The following GGT1 variants were observed in gnomAD, a reference collection of about 807,000 sequenced individuals.
GGT1 encodes the protein gamma-glutamyltransferase 1, also known as glutathione hydrolase 1 proenzyme.
A neutral mutation model predicts 56.0 loss-of-function variants in GGT1; 21 were observed. The observed-to-expected ratio is 0.38, with a 90% CI of 0.27 to 0.54. The LOEUF (loss-of-function observed/expected upper bound fraction) is 0.54, where lower values mean the gene tolerates loss of function less well. Among genes scored for constraint, GGT1 ranks in the 20% least tolerant of loss-of-function variants. GGT1 has a pLI of 0.82. For synonymous variants in GGT1, 238 were observed against 342.6 expected, an observed-to-expected ratio of 0.69 and a Z score of 3.37; for missense variants, 466 against 787.0, an observed-to-expected ratio of 0.59 and a Z score of 4.88.
chr22:24,597,377 C>G (rs2045712524), intron 1 of GGT1, among the ~76,000 whole-genome samples: 1 of 152,152 alleles, frequency 6.6e-6, no homozygotes, highest in African/African-American at 2.4e-5. Flanking sequence ...AAAACCAACT[C>G]AAACTGTGTT....
chr22:24,586,097 A>G, the GGT1 span: 1 of 1,612,594 alleles, frequency 6.2e-7, no homozygotes, highest in African/African-American at 1.3e-5. Context: ...GTTGTTGCCC[A>G]GGTCCACCCA....
chr22:24,614,814 C>T lies in GGT1; in HGVS notation c.203C>T (p.Ala68Val), dbSNP rs2046957811. Residue 68 changes from alanine (A) to valine (V), a missense_variant, in exon 6 of 16, where the codon GCC becomes GTC. By Grantham distance (64) the Ala-to-Val change is moderately conservative (BLOSUM62 0). This residue lies in a region of GGT1 where 456 missense variants were observed against 716.7 expected (regional missense o/e 0.64). Coordinates refer to ENST00000400382, the MANE Select transcript of GGT1 (RefSeq NM_001288833.2). ...LRDGGSAVDA[A>V]IAALLCVGLM... ...GACGGTGGCTCTGCGGTGGATGCAGCCATTGCAGCCCTGTTGTGTGTGGGG... is the reference window on the plus strand; with the variant it reads ...GACGGTGGCTCTGCGGTGGATGCAGTCATTGCAGCCCTGTTGTGTGTGGGG... 1 of 1,613,290 alleles carries T rather than the reference C, an allele frequency of 6.2e-7. No individual in the cohort carries two copies. The highest frequency in any genetic ancestry group is 2.2e-5 in the East Asian group (1 of 44,862).
Position 24,619,732 on chromosome 22 carries a change from T to C in GGT1, c.383-596T>C, listed in dbSNP as rs2047293901. ...GCTGTGTCTTGAAGGTGGCCTGTGC[T>C]TGACCTCGGTCAAGGTGGGATCTGC... On this transcript the variant is annotated intron_variant, in intron 7 of 15. Transcript: ENST00000400382. Among the ~76,000 whole-genome samples, 6 of 152,018 alleles carry C rather than the reference T, an allele frequency of 3.9e-5. No individual in the cohort carries two copies. In the South Asian group the frequency reaches 1.2e-3, roughly 32 times the overall value.
the GGT1 span, chr22:24,588,402 C>T: frequency 2.5e-6 from 3 of 1,188,412 alleles, no homozygotes; most frequent in Admixed American, 5.8e-5. Context: ...GGAGAGGGAC[C>T]CAGGCAGCCA....
At chr22:24,606,454 T>C (rs1455368865) in intron 1 of GGT1, among the ~76,000 whole-genome samples, 2 of 152,054 alleles carry the variant, frequency 1.3e-5, no homozygotes, top group African/African-American at 4.8e-5. Flanking sequence ...GCCCTGTGGC[T>C]CTCCACTTTA....
chr22:24,590,640 C>T (rs964095135), upstream of GGT1, among the ~76,000 whole-genome samples: 6 of 152,128 alleles, frequency 3.9e-5, no homozygotes, highest in Admixed American at 6.5e-5. Flanking sequence ...CCCCAGTGTT[C>T]CCTTCAGATC....
Position 24,607,860 on chromosome 22 carries a change from G to A in GGT1, c.-428-94G>A, listed in dbSNP as rs145982991. 2,424 of 394,106 alleles carry A rather than the reference G, an allele frequency of 6.2e-3. 11 individuals are homozygous for A. Among genetic ancestry groups the A allele is most frequent in the Non-Finnish European group, 0.01 (1,921 of 190,264 alleles). The allele number at this position is 394,106 out of a possible 1,614,324, so 24.4% of individuals were successfully genotyped here. A position where few individuals can be genotyped will look rare whatever the true frequency, so the allele number is the denominator to read the frequency against. On this transcript the variant is annotated intron_variant, in intron 1 of 15. Coordinates refer to ENST00000400382, the MANE Select transcript of GGT1 (RefSeq NM_001288833.2). ...AGGAGTGCTGCAGGGGGCCACAGGC[G>A]TGGCTCTGAGCCACTCTGGAGAGTG...
In GGT1 at chr22:24,614,920, G is replaced by A. The variant is rs2330845; in HGVS notation, c.295+14G>A. 2.5e-6 allele frequency: 4 copies of A among 1,611,666 alleles called. No homozygotes were observed. The highest frequency in any genetic ancestry group is 2.2e-5 in the East Asian group (1 of 44,772). On this transcript the variant is annotated intron_variant, in intron 6 of 15. Transcript: ENST00000400382. ...ACAGCACCACACGTGAGTGCCTCGG[G>A]AGAGGAGAGGGAGAGGGGCAGGGGG...
chr22:24,601,402 T>C (rs58862556), upstream of GGT1, among the ~76,000 whole-genome samples: 15,932 of 152,140 alleles, frequency 0.1, 2,463 homozygotes, highest in African/African-American at 0.34. Flanking sequence ...TGCAATGAGA[T>C]GCCAGTTGCA....
upstream of GGT1, among the ~76,000 whole-genome samples, chr22:24,598,733 T>C (rs951955565): frequency 6.6e-6 from 1 of 152,162 alleles, no homozygotes; most frequent in African/African-American, 2.4e-5. Context: ...TTTTTATTTT[T>C]GTAGAGATGG....
chr22:24,603,694 T>C (rs1485533809), intron 1 of GGT1, among the ~76,000 whole-genome samples, 167 bp downstream of exon 1: 1 of 152,004 alleles, frequency 6.6e-6, no homozygotes, highest in African/African-American at 2.4e-5. Context: ...CCGTGGCTTC[T>C]TGGAATTAAG....
At chr22:24,588,588 G>A in the GGT1 span, 5 of 931,536 alleles carry the variant, frequency 5.4e-6, no homozygotes, top group East Asian at 1.1e-4. Context: ...CCCAGACAAT[G>A]AGCCCTTGTT....
At chr22:24,591,175 G>T (rs1179555955), upstream of GGT1, among the ~76,000 whole-genome samples, 1 of 152,246 alleles carries the variant, frequency 6.6e-6, no homozygotes, top group Non-Finnish European at 1.5e-5. Context: ...CGCCTCCCGG[G>T]TTCAAGCAAT....
At position 24,628,151 on chromosome 22, in the gene GGT1, G is replaced by A. The variant is rs1013819287; in HGVS notation, c.1407G>A (p.Val469=). Reference sequence around the variant, plus strand: ...AGGACGGCCAGGTCCGGATGGTGGTGGGAGCTGCTGGGGGCACACAGATCA... The same window carrying A: ...AGGACGGCCAGGTCCGGATGGTGGTAGGAGCTGCTGGGGGCACACAGATCA... ...VGQDGQVRMV[V]GAAGGTQITT... Residue 469 remains valine (V), a synonymous_variant, in exon 14 of 16, where the codon GTG becomes GTA. Transcript: ENST00000400382. This position sits in a 1 kb window ranked among gnomAD's most constrained non-coding sequence, Gnocchi z 5.7. 9.9e-6 allele frequency: 16 copies of A among 1,611,876 alleles called. No individual in the cohort carries two copies. The Admixed American group carries it at 1.7e-4, about 17-fold the overall frequency.
chr22:24,608,667 T>C (rs1286014969), intron 2 of GGT1, among the ~76,000 whole-genome samples: 1 of 152,128 alleles, frequency 6.6e-6, no homozygotes, highest in Non-Finnish European at 1.5e-5. Context: ...TTTTTTTGCA[T>C]TTTTTTTGAG....
chr22:24,605,319 TATTATATATTATATA>T (rs2046066796), intron 1 of GGT1, among the ~76,000 whole-genome samples: 2 of 53,736 alleles, frequency 3.7e-5, no homozygotes, highest in African/African-American at 1.2e-4. Flanking sequence ...ATATAATATG[TATTATATATTATATA>T]ATATGTATTA....
In GGT1 at chr22:24,627,979, G is replaced by A. The variant is rs757855957; in HGVS notation, c.1336G>A (p.Gly446Arg). ...CTCACCTGCCAATTTCATCCAGCCA[G>A]GTATGGGGTGGAGGTCCGGGGGTGG... ...PPSPANFIQP[G>R]KQPLSSMCPT... Residue 446 changes from glycine to arginine, a missense_variant and splice_region_variant, in exon 13 of 16, where the codon GGG becomes AGG. By Grantham distance (125) the Gly-to-Arg change is moderately radical. This residue lies in a region of GGT1 where 456 missense variants were observed against 716.7 expected (regional missense o/e 0.64). Transcript: ENST00000400382. 3.1e-6 allele frequency: 5 copies of A among 1,612,756 alleles called. No homozygotes were observed. The highest frequency in any genetic ancestry group is 4.2e-6 in the Non-Finnish European group (5 of 1,179,486).
the GGT1 span, chr22:24,589,241 G>A: frequency 1.6e-6 from 2 of 1,266,660 alleles, no homozygotes; most frequent in Non-Finnish European, 2.1e-6. Flanking sequence ...ATCTGCAGGT[G>A]CTGTCAGCAT....
intron 11 of GGT1, 142 bp from the exon 12 acceptor site, chr22:24,627,290 G>C (rs571563781): frequency 7.6e-7 from 1 of 1,320,480 alleles, no homozygotes. Context: ...TCCTGGGCCT[G>C]CCCTTGGGTC....
Sources: allele counts gnomAD v4.1 joint callset (sites outside exome capture counted in the v4.1 genomes callset), GRCh38; gene constraint gnomAD v4.1.1; regional missense constraint gnomAD v4.1.1; non-coding constraint Gnocchi (gnomAD v3.1); transcripts MANE v1.5; gene names NCBI Gene and HGNC (gene_info 2026-07-23, HGNC 2026-07-21).